ERICH6B: variants seen among roughly 807,000 people sequenced by gnomAD.
ERICH6B encodes glutamate-rich protein 6B.
ERICH6B carries 69 observed loss-of-function variants against 80.0 expected under a neutral mutation model. The observed-to-expected ratio is 0.86, with a 90% CI of 0.71 to 1.05. The LOEUF is 1.05. Ranked by LOEUF, ERICH6B falls within the 50% of genes least tolerant of loss-of-function variation. The pLI is 0.00. For missense variants in ERICH6B, 754 were observed against 796.1 expected (o/e 0.95, Z 0.64); for synonymous variants, 283 against 291.9 (o/e 0.97, Z 0.31).
intron 9 of ERICH6B, among the ~76,000 whole-genome samples, chr13:45,564,943 G>T (rs1329582284): frequency 6.6e-6 from 1 of 152,160 alleles, no homozygotes; most frequent in Admixed American, 6.5e-5. Context: ...CCATCAGGCG[G>T]CTCTTCAATA....
intron 9 of ERICH6B, among the ~76,000 whole-genome samples, chr13:45,564,530 A>G (rs59570278): frequency 0.11 from 17,286 of 152,262 alleles, 2,835 homozygotes; most frequent in African/African-American, 0.36. Flanking sequence ...AAGAGGGCAT[A>G]TTAATTTAGC....
rs1437357975 is a variant in ERICH6B, at chr13:45,541,365, T to G, written c.*97A>C. 1 of 1,066,400 alleles carries G rather than the reference T, an allele frequency of 9.4e-7. No homozygotes were observed. Among genetic ancestry groups the G allele is most frequent in the Non-Finnish European group, 1.4e-6 (1 of 738,082 alleles). The allele number at this position is 1,066,400 out of a possible 1,614,324, so 66.1% of individuals were successfully genotyped here. A position where few individuals can be genotyped will look rare whatever the true frequency, so the allele number is the denominator to read the frequency against. On this transcript the variant is annotated 3_prime_UTR_variant, in exon 15 of 15. Coordinates refer to ENST00000298738, the MANE Select transcript of ERICH6B (RefSeq NM_182542.3). ...CAGGTCCCAAATTACAAACCAACTC[T>G]CATAAAAGGTCAACAGGTCTTTGGG...
chr13:45,542,153 G>A (rs1873806506), intron 14 of ERICH6B, among the ~76,000 whole-genome samples: 1 of 152,184 alleles, frequency 6.6e-6, no homozygotes, highest in African/African-American at 2.4e-5. Context: ...CCGCCTCTAT[G>A]CCAAGTTCTG....
At chr13:45,551,645 C>T (rs1874227549) in intron 11 of ERICH6B, 2 of 152,056 alleles carry the variant, frequency 1.3e-5, no homozygotes, top group South Asian at 2.1e-4. Flanking sequence ...TTGAATGTGT[C>T]CCCCCAAAAA....
At position 45,605,380 on chromosome 13, in the gene ERICH6B, G is replaced by C. The variant is rs185041381; in HGVS notation, c.-59+2184C>G. Among the ~76,000 whole-genome samples the C allele has an allele frequency of 2.0e-5, 3 of 152,174 alleles. No homozygotes were observed. In the South Asian group the frequency reaches 6.2e-4, roughly 32 times the overall value. The stretch of plus-strand genomic sequence containing the variant: ...TGTTTCCAGACTGGAGTATGGTCCC[G>C]CTTCTTCTCTATGCTTTAGCTGTTT... On this transcript the variant is annotated intron_variant, in intron 2 of 14. Coordinates refer to ENST00000298738, the MANE Select transcript of ERICH6B (RefSeq NM_182542.3).
In ERICH6B at chr13:45,563,780, T is replaced by C; in HGVS notation, c.1196A>G (p.Lys399Arg). 1 of 1,552,264 alleles carries C rather than the reference T, an allele frequency of 6.4e-7. No individual in the cohort carries two copies. The highest frequency in any genetic ancestry group is 2.0e-5 in the Admixed American group (1 of 51,018). Residue 399 changes from lysine to arginine, a missense_variant, in exon 10 of 15, where the codon AAA becomes AGA. Transcript: ENST00000298738. ...NRWKLVIMLK[K>R]NYEKFKETIL... ...TGTTTCCTTGAACTTTTCATAATTT[T>C]TCTTCAGCCTAAAAGGAAAGTGGAT...
At chr13:45,555,608 C>A (rs1314005622) in intron 11 of ERICH6B, 1 of 152,060 alleles carries the variant, frequency 6.6e-6, no homozygotes, top group Non-Finnish European at 1.5e-5. Flanking sequence ...TAAGCCTGGA[C>A]CCTGGCTTCA....
chr13:45,613,963 G>C (rs568965497), intron 1 of ERICH6B, among the ~76,000 whole-genome samples: 1 of 152,256 alleles, frequency 6.6e-6, no homozygotes, highest in Admixed American at 6.5e-5. Context: ...GGAATTTGCT[G>C]CCAGGGTCTG....
intron 1 of ERICH6B, among the ~76,000 whole-genome samples, chr13:45,610,252 C>T (rs184851652): frequency 6.8e-4 from 104 of 152,134 alleles, no homozygotes; most frequent in African/African-American, 2.5e-3. Flanking sequence ...CACCTGGACC[C>T]GCCAACTACT....
chr13:45,585,283 T>C (rs527306157), intron 5 of ERICH6B, among the ~76,000 whole-genome samples: 5 of 152,192 alleles, frequency 3.3e-5, no homozygotes, highest in Admixed American at 6.5e-5. Flanking sequence ...TTCCTTTCCA[T>C]GGCTTTCTTG....
chr13:45,607,820 C>CGTAAG (rs888298514), intron 1 of ERICH6B, among the ~76,000 whole-genome samples: 69 of 152,128 alleles, frequency 4.5e-4, no homozygotes, highest in Admixed American at 2.0e-3. Flanking sequence ...CCCTTGCTTA[C>CGTAAG]GGTGTGCCTC....
At position 45,612,973 on chromosome 13, in the gene ERICH6B, C is replaced by T. The variant is rs369421825; in HGVS notation, c.-111+2712G>A. 3.9e-5 allele frequency among the ~76,000 whole-genome samples: 6 copies of T among 152,302 alleles called. No individual in the cohort carries two copies. In the East Asian group the frequency reaches 9.6e-4, roughly 24 times the overall value. On this transcript the variant is annotated intron_variant, in intron 1 of 14. Transcript: ENST00000298738. ...GGCCATCCTCAATGTGAAGACTGGA[C>T]TCTTCAGACACCCAGGCAAAAGAGC...
rs563539669 is a variant in ERICH6B, at chr13:45,598,523, G to T, written c.-58-1460C>A. ...TCTGGCTGTCTGAGTGGGAAACTCT[G>T]TTCTGGGGAACCAGCCAGATGAGAC... On this transcript the variant is annotated intron_variant, in intron 2 of 14. Coordinates refer to ENST00000298738, the MANE Select transcript of ERICH6B (RefSeq NM_182542.3). Among the ~76,000 whole-genome samples, 10 of 152,232 alleles carry T rather than the reference G, an allele frequency of 6.6e-5. 1 individual carries two copies. The South Asian group carries it at 1.9e-3, about 28-fold the overall frequency.
intron 3 of ERICH6B, among the ~76,000 whole-genome samples, chr13:45,592,628 A>G (rs994299343): frequency 1.3e-5 from 2 of 152,206 alleles, no homozygotes; most frequent in Non-Finnish European, 2.9e-5. Flanking sequence ...ATCAAAATCA[A>G]TGTATTGTGA....
At chr13:45,588,218 T>C (rs80043842) in intron 4 of ERICH6B, among the ~76,000 whole-genome samples, 9 of 152,170 alleles carry the variant, frequency 5.9e-5, no homozygotes, top group African/African-American at 1.9e-4. Context: ...GCCTGTTTTT[T>C]CTCACAGGTG....
chr13:45,563,455 A>G (rs1237635143), intron 10 of ERICH6B, among the ~76,000 whole-genome samples: 2 of 152,198 alleles, frequency 1.3e-5, no homozygotes. Flanking sequence ...GAAGTAAGAC[A>G]GTCCACACCA....
At chr13:45,575,532 C>T (rs1449823009) in intron 7 of ERICH6B, among the ~76,000 whole-genome samples, 8 of 152,106 alleles carry the variant, frequency 5.3e-5, no homozygotes, top group East Asian at 1.9e-4. Flanking sequence ...GATTTTGTTC[C>T]GAGGGAGACT....
chr13:45,554,881 G>GT (rs1874372311), intron 11 of ERICH6B, among the ~76,000 whole-genome samples: 1 of 152,198 alleles, frequency 6.6e-6, no homozygotes. Context: ...CACAGAAGGT[G>GT]TGCACTCAGC....
intron 8 of ERICH6B, among the ~76,000 whole-genome samples, chr13:45,570,111 C>T (rs982108779): frequency 2.6e-5 from 4 of 152,116 alleles, no homozygotes; most frequent in African/African-American, 4.8e-5. Flanking sequence ...GCATATGTGA[C>T]GTCTTATGGG....
Sources: gnomAD v4.1 joint callset for allele counts (sites outside exome capture counted in the v4.1 genomes callset) on GRCh38, gnomAD v4.1.1 for gene constraint, MANE v1.5 for transcripts, NCBI Gene and HGNC (gene_info 2026-07-23, HGNC 2026-07-21) for gene names.